The following SPTB variants were observed in gnomAD, a reference collection of about 807,000 sequenced individuals.
SPTB encodes spectrin beta chain, erythrocytic.
In SPTB, 45 loss-of-function variants were observed where a neutral mutation model predicts 256.2. The ratio of observed to expected loss-of-function variants is 0.18; its 90% confidence interval spans 0.14 to 0.23. The LOEUF (loss-of-function observed/expected upper bound fraction) is 0.23, where lower values mean the gene tolerates loss of function less well. Ranked by LOEUF, SPTB falls within the 10% of genes least tolerant of loss-of-function variation. The pLI, the probability that SPTB is intolerant of heterozygous loss-of-function variation, is 1.00. For synonymous variants in SPTB, 1,231 were observed against 1,243.1 expected (o/e 0.99, Z 0.21); for missense variants, 2,715 against 3,040.4 (o/e 0.89, Z 2.52).
chr14:64,761,233 G>T (rs1368888002), intron 32 of SPTB, among the ~76,000 whole-genome samples: 1 of 152,198 alleles, frequency 6.6e-6, no homozygotes, highest in African/African-American at 2.4e-5. Context: ...GTCACTGGGT[G>T]GGTTGGAAAG....
chr14:64,791,585 A>AG (rs2082674337), intron 15 of SPTB, 134 bp downstream of exon 15: 2 of 863,942 alleles, frequency 2.3e-6, no homozygotes. Context: ...AAAAAAAAAA[A>AG]AAAAAAGACA....
At chr14:64,829,510 G>A (rs1350831149) in intron 1 of SPTB, among the ~76,000 whole-genome samples, 6 of 152,148 alleles carry the variant, frequency 3.9e-5, no homozygotes, top group Non-Finnish European at 8.8e-5. Flanking sequence ...TGTGTTAGAT[G>A]TGATCATGGC....
chr14:64,749,413 G>T lies in SPTB; in HGVS notation c.6880C>A (p.Arg2294Ser), dbSNP rs770384233. Residue 2294 changes from arginine (R) to serine (S), a missense_variant, in exon 36 of 36, where the codon CGC becomes AGC. Coordinates refer to ENST00000644917, the MANE Select transcript of SPTB (RefSeq NM_001355436.2). This position sits in a 1 kb window ranked among gnomAD's most constrained non-coding sequence, Gnocchi z 4.7. ...AGGGGCAGGCTCTGCGCCTTGACGC[G>T]GATGCTCTGGGACTCGTTGATGGCG... The part of the protein sequence containing the change: ...STAINESQSI[R>S]VKAQSLPLPS... The T allele has an allele frequency of 3.7e-6, 6 of 1,606,858 alleles. No homozygotes were observed. In the African/African-American group the frequency reaches 5.3e-5, roughly 14 times the overall value.
At chr14:64,869,024 T>TAA (rs768819177) in intron 1 of SPTB, among the ~76,000 whole-genome samples, 26 of 139,540 alleles carry the variant, frequency 1.9e-4, no homozygotes, top group Admixed American at 1.7e-3. Context: ...GATGCAGGAT[T>TAA]AAAAAAAAAA....
chr14:64,750,237 A>T, intron 33 of SPTB, 83 bp from the exon 34 acceptor site: 1 of 1,397,052 alleles, frequency 7.2e-7, no homozygotes, highest in Non-Finnish European at 9.8e-7. Context: ...CCATTAAAAA[A>T]AATTACACCA....
At chr14:64,767,606 A>ACCC in intron 30 of SPTB, 57 bp downstream of exon 30, 1 of 1,603,086 alleles carries the variant, frequency 6.2e-7, no homozygotes, top group Non-Finnish European at 8.5e-7. Flanking sequence ...CTTACATGAG[A>ACCC]CCCCTGGGGG....
chr14:64,781,844 A>C (rs2082477146), intron 20 of SPTB, among the ~76,000 whole-genome samples: 1 of 152,264 alleles, frequency 6.6e-6, no homozygotes, highest in Non-Finnish European at 1.5e-5. Flanking sequence ...CTGGATAAAG[A>C]AAATATGATA....
At chr14:64,783,282 C>A (rs1452986867) in intron 19 of SPTB, among the ~76,000 whole-genome samples, 3 of 152,080 alleles carry the variant, frequency 2.0e-5, no homozygotes, top group African/African-American at 7.2e-5. Flanking sequence ...TGGCTCACTG[C>A]AACCTCCGCC....
In SPTB at chr14:64,772,979, T is replaced by A. The variant is rs1427014161; in HGVS notation, c.5179-25A>T. Reference sequence around the variant, plus strand: ...GCTAGGCATGGGGCAGACAGAAATGTGGTTATGGGGGGCACAGGGGTTACA... The same window carrying A: ...GCTAGGCATGGGGCAGACAGAAATGAGGTTATGGGGGGCACAGGGGTTACA... On this transcript the variant is annotated intron_variant, in intron 25 of 35. Transcript: ENST00000644917. The surrounding 1 kb of genome is among the most constrained non-coding windows in gnomAD (Gnocchi z 5.4). The A allele has an allele frequency of 7.5e-6, 12 of 1,592,532 alleles. No homozygotes were observed. Among genetic ancestry groups the A allele is most frequent in the African/African-American group, 1.3e-5 (1 of 74,652 alleles).
intron 10 of SPTB, among the ~76,000 whole-genome samples, 180 bp downstream of exon 10, chr14:64,797,549 G>A (rs1427937868): frequency 1.3e-5 from 2 of 150,360 alleles, no homozygotes; most frequent in Admixed American, 6.6e-5. Context: ...GAAGGAGGGT[G>A]GGGGAGTAGA....
intron 1 of SPTB, among the ~76,000 whole-genome samples, chr14:64,869,436 T>A (rs1221844346): frequency 1.3e-5 from 2 of 152,082 alleles, no homozygotes; most frequent in Non-Finnish European, 2.9e-5. Context: ...TATTCTTTTT[T>A]AAATTTTTAA....
intron 1 of SPTB, among the ~76,000 whole-genome samples, chr14:64,846,510 T>C (rs2083695087): frequency 6.6e-6 from 1 of 152,244 alleles, no homozygotes; most frequent in African/African-American, 2.4e-5. Flanking sequence ...TATTTGTACC[T>C]GGATGACAGC....
chr14:64,763,569 C>T (rs1291699819), intron 32 of SPTB, among the ~76,000 whole-genome samples: 2 of 152,212 alleles, frequency 1.3e-5, no homozygotes, highest in Non-Finnish European at 2.9e-5. Context: ...CCAGACTTTC[C>T]GTAATTCTCC....
chr14:64,779,145 C>G lies in SPTB; in HGVS notation c.4563+12G>C, dbSNP rs1741489. 418,766 of 1,607,658 alleles carry G rather than the reference C, an allele frequency of 0.26. 61,990 individuals carry two copies. Among genetic ancestry groups the G allele is most frequent in the African/African-American group, 0.62 (46,355 of 74,660 alleles). Reference sequence around the variant, plus strand: ...GGGGTGGGTGGGGCTGGTGAGGTGACGCAGGACTCACCTGGTTCTTCTTCA... The same window carrying G: ...GGGGTGGGTGGGGCTGGTGAGGTGAGGCAGGACTCACCTGGTTCTTCTTCA... On this transcript the variant is annotated intron_variant, in intron 22 of 35. Coordinates refer to ENST00000644917, the MANE Select transcript of SPTB (RefSeq NM_001355436.2). The surrounding 1 kb of genome is among the most constrained non-coding windows in gnomAD (Gnocchi z 4.2).
At position 64,777,068 on chromosome 14, in the gene SPTB, C is replaced by G. The variant is rs1449799715; in HGVS notation, c.4564-1665G>C. Among the ~76,000 whole-genome samples the G allele has an allele frequency of 6.6e-6, 1 of 152,174 alleles. No individual in the cohort carries two copies. Among genetic ancestry groups the G allele is most frequent in the African/African-American group, 2.4e-5 (1 of 41,438 alleles). On this transcript the variant is annotated intron_variant, in intron 22 of 35. Coordinates refer to ENST00000644917, the MANE Select transcript of SPTB (RefSeq NM_001355436.2). The surrounding 1 kb of genome is among the most constrained non-coding windows in gnomAD (Gnocchi z 4.5). ...AATGTCTGCTGCGATGTGGCAGGAG[C>G]CACTTTAGCTAAGGGAGTCAGGGAG... is the stretch of plus-strand genomic sequence containing the variant.
At chr14:64,848,141 T>G (rs1420680910) in intron 1 of SPTB, among the ~76,000 whole-genome samples, 1 of 152,186 alleles carries the variant, frequency 6.6e-6, no homozygotes, top group African/African-American at 2.4e-5. Flanking sequence ...AATCTACTTT[T>G]TAAGAAACAC....
Position 64,802,386 on chromosome 14 carries a change from T to C in SPTB, c.475-69A>G. 6.8e-7 allele frequency: 1 copy of C among 1,462,278 alleles called. No individual in the cohort carries two copies. The highest frequency in any genetic ancestry group is 9.5e-7 in the Non-Finnish European group (1 of 1,053,052). The allele number at this position is 1,462,278 out of a possible 1,614,324, so 90.6% of individuals were successfully genotyped here. A position where few individuals can be genotyped will look rare whatever the true frequency, so the allele number is the denominator to read the frequency against. On this transcript the variant is annotated intron_variant, in intron 4 of 35. Transcript: ENST00000644917. This position sits in a 1 kb window ranked among gnomAD's most constrained non-coding sequence, Gnocchi z 5.1. ...TGGATCTGTGCTTTCCTGCCGTCCC[T>C]GGGAGGCTCCCTCCCTCATCCCCCC...
chr14:64,791,979 T>G, intron 14 of SPTB, 123 bp from the exon 15 acceptor site: 2 of 1,344,300 alleles, frequency 1.5e-6, no homozygotes, highest in South Asian at 2.5e-5. Flanking sequence ...CTAAACCATT[T>G]GCCCAGGTGA....
chr14:64,789,924 C>T (rs1168876375), intron 15 of SPTB, among the ~76,000 whole-genome samples: 4 of 152,090 alleles, frequency 2.6e-5, no homozygotes, highest in South Asian at 4.2e-4. Flanking sequence ...AGGCATGAGG[C>T]GACACTGGGG....
Sources: allele counts gnomAD v4.1 joint callset (sites outside exome capture counted in the v4.1 genomes callset), GRCh38; gene constraint gnomAD v4.1.1; non-coding constraint Gnocchi (gnomAD v3.1); transcripts MANE v1.5; gene names NCBI Gene and HGNC (gene_info 2026-07-23, HGNC 2026-07-21).